The following ANO6 variants were observed in gnomAD, a reference collection of about 807,000 sequenced individuals.
ANO6 encodes anoctamin-6.
ANO6 carries 106 observed loss-of-function variants against 117.5 expected under a neutral mutation model. The observed-to-expected ratio is 0.90, with a 90% CI of 0.77 to 1.06. ANO6 has a LOEUF of 1.06. Among genes scored for constraint, ANO6 ranks in the 50% least tolerant of loss-of-function variants. The pLI is 0.00. For synonymous variants in ANO6, 367 were observed against 385.1 expected (o/e 0.95, Z 0.55); for missense variants, 955 against 1,121.1 (o/e 0.85, Z 2.12).
chr12:45,280,212 GTATATTTTT>G (rs1938679232), intron 1 of ANO6, among the ~76,000 whole-genome samples: 1 of 152,176 alleles, frequency 6.6e-6, no homozygotes, highest in African/African-American at 2.4e-5. Context: ...GCCCATCTCT[GTATATTTTT>G]TTTCTCTTTT....
intron 1 of ANO6, among the ~76,000 whole-genome samples, chr12:45,267,480 A>G (rs1938256778): frequency 6.6e-6 from 1 of 152,178 alleles, no homozygotes; most frequent in Admixed American, 6.5e-5. Flanking sequence ...TTATGATTCC[A>G]TAACATCTAT....
At chr12:45,425,486 G>C (rs73283320) in intron 19 of ANO6, among the ~76,000 whole-genome samples, 2,051 of 152,242 alleles carry the variant, frequency 0.013, 39 homozygotes, top group African/African-American at 0.047. Flanking sequence ...GAAAGTAACC[G>C]GAGGGAAAAA....
chr12:45,437,566 G>A (rs1030327081), intron 19 of ANO6, among the ~76,000 whole-genome samples: 1 of 150,672 alleles, frequency 6.6e-6, no homozygotes, highest in East Asian at 1.9e-4. Flanking sequence ...GTTTTTGTGG[G>A]CTCTCATAAC....
chr12:45,328,083 A>G (rs771547955), intron 2 of ANO6, among the ~76,000 whole-genome samples: 1 of 152,126 alleles, frequency 6.6e-6, no homozygotes, highest in Non-Finnish European at 1.5e-5. Context: ...TTTGACTCTA[A>G]AACAGACTTG....
At position 45,376,176 on chromosome 12, in the gene ANO6, G is replaced by A. The variant is rs1326720906; in HGVS notation, c.1105-1877G>A. ...GATGCCATCTCACACCAGTTAGAAT[G>A]GCAATCATTAAAAAGTCAGGAAACA... On this transcript the variant is annotated intron_variant, in intron 9 of 19. Coordinates refer to ENST00000320560, the MANE Select transcript of ANO6 (RefSeq NM_001025356.3). Among the ~76,000 whole-genome samples the A allele has an allele frequency of 7.6e-4, 113 of 148,842 alleles. No homozygotes were observed. The Middle Eastern group carries it at 0.01, about 14-fold the overall frequency.
intron 12 of ANO6, among the ~76,000 whole-genome samples, chr12:45,399,780 G>C (rs918337134): frequency 6.6e-6 from 1 of 152,124 alleles, no homozygotes; most frequent in Admixed American, 6.5e-5. Context: ...ACAGACCCAG[G>C]CTAGCAAAAG....
chr12:45,259,226 C>T (rs548896845), intron 1 of ANO6, among the ~76,000 whole-genome samples: 1 of 152,284 alleles, frequency 6.6e-6, no homozygotes, highest in South Asian at 2.1e-4. Context: ...GTGCTTGGCA[C>T]ATAGTACAAG....
At chr12:45,337,414 A>G (rs1940857598) in intron 3 of ANO6, among the ~76,000 whole-genome samples, 1 of 152,096 alleles carries the variant, frequency 6.6e-6, no homozygotes, top group Non-Finnish European at 1.5e-5. Context: ...GCCATTCCAT[A>G]TACCCTAGGT....
At chr12:45,364,065 G>T (rs1941623356) in intron 8 of ANO6, among the ~76,000 whole-genome samples, 1 of 152,314 alleles carries the variant, frequency 6.6e-6, no homozygotes, top group East Asian at 1.9e-4. Context: ...TGGGTTTGCT[G>T]GATATAGAAT....
chr12:45,410,455 TCAGTAGAA>T (rs901688612), intron 16 of ANO6, among the ~76,000 whole-genome samples: 1 of 152,240 alleles, frequency 6.6e-6, no homozygotes, highest in Non-Finnish European at 1.5e-5. Flanking sequence ...TTAATTCTTT[TCAGTAGAA>T]CTTGATTTTG....
chr12:45,228,291 CTTTTTTT>C (rs34786875), intron 1 of ANO6: 21 of 166,946 alleles, frequency 1.3e-4, no homozygotes, highest in Middle Eastern at 2.6e-3. Flanking sequence ...CCAGGCCCTC[CTTTTTTT>C]TTTTTTTTTT....
At chr12:45,305,908 G>A (rs79309920) in intron 2 of ANO6, among the ~76,000 whole-genome samples, 4 of 150,636 alleles carry the variant, frequency 2.7e-5, no homozygotes, top group African/African-American at 9.8e-5. Flanking sequence ...CCAAGGAGTT[G>A]AAAAAAAAAT....
intron 16 of ANO6, among the ~76,000 whole-genome samples, chr12:45,413,578 T>C (rs1223236003): frequency 6.6e-6 from 1 of 152,104 alleles, no homozygotes; most frequent in Non-Finnish European, 1.5e-5. Flanking sequence ...AGAGAATTGA[T>C]GATGAGGCCC....
chr12:45,429,037 G>A (rs567051338), intron 19 of ANO6, 68 bp from the exon 20 acceptor site: 3 of 1,568,620 alleles, frequency 1.9e-6, no homozygotes, highest in East Asian at 4.6e-5. Context: ...TGACAAGCAA[G>A]AATGAAAGGA....
intron 19 of ANO6, among the ~76,000 whole-genome samples, chr12:45,425,011 C>T (rs955718457): frequency 3.3e-5 from 5 of 151,578 alleles, no homozygotes; most frequent in Admixed American, 1.3e-4. Flanking sequence ...CCTCAGTAAC[C>T]TCAAGGGTTT....
intron 2 of ANO6, among the ~76,000 whole-genome samples, chr12:45,314,492 CAT>C (rs990861100): frequency 1.9e-4 from 23 of 121,990 alleles, no homozygotes; most frequent in African/African-American, 5.7e-4. Flanking sequence ...CACACACACA[CAT>C]ATATACATAT....
intron 2 of ANO6, among the ~76,000 whole-genome samples, chr12:45,331,076 A>G (rs1469579311): frequency 6.6e-6 from 1 of 151,908 alleles, no homozygotes; most frequent in Non-Finnish European, 1.5e-5. Flanking sequence ...ATGAGTTTAT[A>G]GAATAATGCT....
intron 1 of ANO6, among the ~76,000 whole-genome samples, chr12:45,246,706 C>G (rs1301632156): frequency 6.6e-6 from 1 of 151,618 alleles, no homozygotes; most frequent in African/African-American, 2.4e-5. Flanking sequence ...GGATGTGTCC[C>G]TGCTTCCAAT....
At position 45,424,633 on chromosome 12, in the gene ANO6, G is replaced by T. The variant is rs541846013; in HGVS notation, c.2526+1571G>T. The stretch of plus-strand genomic sequence containing the variant: ...ATTATAGGCATGAGCCACTGCGCCC[G>T]GCCTAGGTGATGGGCTTTAATAGGG... On this transcript the variant is annotated intron_variant, in intron 19 of 19. Coordinates refer to ENST00000320560, the MANE Select transcript of ANO6 (RefSeq NM_001025356.3). Among the ~76,000 whole-genome samples, 36 of 152,114 alleles carry T rather than the reference G, an allele frequency of 2.4e-4. No homozygotes were observed. The South Asian group carries it at 7.3e-3, about 31-fold the overall frequency.
Sources: allele counts gnomAD v4.1 joint callset (sites outside exome capture counted in the v4.1 genomes callset), GRCh38; gene constraint gnomAD v4.1.1; transcripts MANE v1.5; gene names NCBI Gene and HGNC (gene_info 2026-07-23, HGNC 2026-07-21).